TEAD1: variants seen among roughly 807,000 people sequenced by gnomAD.
TEAD1 encodes the protein transcriptional enhancer factor TEF-1.
A neutral mutation model predicts 54.9 loss-of-function variants in TEAD1; 9 were observed. That is an observed-to-expected ratio of 0.16 (90% CI 0.10 to 0.29). The LOEUF (loss-of-function observed/expected upper bound fraction) is 0.29. TEAD1 is among the 10% of genes least tolerant of loss of function. The pLI, the probability that TEAD1 is intolerant of heterozygous loss-of-function variation, is 1.00. For missense variants in TEAD1, 387 were observed against 535.9 expected (o/e 0.72, Z 2.74); for synonymous variants, 200 against 187.8 (o/e 1.07, Z -0.53).
chr11:12,771,495 A>G (rs1945310598), intron 3 of TEAD1, among the ~76,000 whole-genome samples: 1 of 152,170 alleles, frequency 6.6e-6, no homozygotes, highest in Non-Finnish European at 1.5e-5. Flanking sequence ...TGTGAAAAAG[A>G]AGGAGTTTGA....
At chr11:12,887,097 G>GTTTTTTTTTTTTTTTTTTTTTTT (rs150663285) in intron 9 of TEAD1, among the ~76,000 whole-genome samples, 1 of 112,826 alleles carries the variant, frequency 8.9e-6, no homozygotes. Context: ...TTTTTTGTTT[G>GTTTTTTTTTTTTTTTTTTTTTTT]TTTTTTTTTT....
At chr11:12,768,599 T>C (rs1362964993) in intron 3 of TEAD1, among the ~76,000 whole-genome samples, 6 of 152,248 alleles carry the variant, frequency 3.9e-5, no homozygotes, top group African/African-American at 1.4e-4. Flanking sequence ...TTCAGGGCTG[T>C]CTGACTCTAC....
At chr11:12,861,663 A>C (rs1017188322) in intron 3 of TEAD1, among the ~76,000 whole-genome samples, 5 of 152,250 alleles carry the variant, frequency 3.3e-5, no homozygotes, top group African/African-American at 1.2e-4. Flanking sequence ...CACCCACAGC[A>C]TACAAACAGA....
At chr11:12,840,346 A>G (rs1947008119) in intron 3 of TEAD1, among the ~76,000 whole-genome samples, 1 of 151,370 alleles carries the variant, frequency 6.6e-6, no homozygotes, top group South Asian at 2.1e-4. Flanking sequence ...TGTTTTCACT[A>G]TGGAATGGTT....
intron 3 of TEAD1, among the ~76,000 whole-genome samples, chr11:12,802,557 T>G (rs1590166264): frequency 6.6e-6 from 1 of 152,200 alleles, no homozygotes; most frequent in East Asian, 1.9e-4. Flanking sequence ...AGTGCCTGAC[T>G]GGTGGTGGAG....
At chr11:12,688,564 T>A (rs1299878070) in intron 2 of TEAD1, among the ~76,000 whole-genome samples, 2 of 152,198 alleles carry the variant, frequency 1.3e-5, no homozygotes, top group African/African-American at 4.8e-5. Context: ...GTTTTGGTGT[T>A]GTCCTAACTG....
intron 2 of TEAD1, among the ~76,000 whole-genome samples, chr11:12,724,089 T>C (rs1944265859): frequency 1.3e-5 from 2 of 152,170 alleles, no homozygotes; most frequent in Non-Finnish European, 1.5e-5. Flanking sequence ...ATGATTCTTA[T>C]TCCCCAGGCT....
intron 3 of TEAD1, among the ~76,000 whole-genome samples, chr11:12,859,882 A>G (rs531918794): frequency 1.3e-5 from 2 of 152,316 alleles, no homozygotes; most frequent in East Asian, 3.9e-4. Flanking sequence ...TTAAGTTGGC[A>G]TATATTGATA....
At position 12,887,923 on chromosome 11, in the gene TEAD1, G is replaced by C. The variant is rs1034919680; in HGVS notation, c.699+4798G>C. On this transcript the variant is annotated intron_variant, in intron 9 of 12. Coordinates refer to ENST00000527636, the MANE Select transcript of TEAD1 (RefSeq NM_021961.6). ...ATTCTCTAGATGTTTGTTACAGACAGACATGTACATATGTTTCCCCCTACT... is the reference window on the plus strand; with the variant it reads ...ATTCTCTAGATGTTTGTTACAGACACACATGTACATATGTTTCCCCCTACT... Among the ~76,000 whole-genome samples the C allele has an allele frequency of 3.9e-5, 6 of 152,190 alleles. No individual in the cohort carries two copies. In the South Asian group the frequency reaches 1.2e-3, roughly 32 times the overall value.
intron 6 of TEAD1, 53 bp downstream of exon 6, chr11:12,879,895 T>G: frequency 6.2e-7 from 1 of 1,609,678 alleles, no homozygotes; most frequent in South Asian, 1.1e-5. Context: ...GGGGTTGGCA[T>G]GTGCCAGTGT....
chr11:12,824,547 A>C (rs1946612910), intron 3 of TEAD1, among the ~76,000 whole-genome samples: 1 of 152,214 alleles, frequency 6.6e-6, no homozygotes, highest in Admixed American at 6.5e-5. Context: ...TCCATCCGGG[A>C]ACCAAGTTTT....
chr11:12,800,220 C>CCTCTAGGAGA (rs1455860281), intron 3 of TEAD1, among the ~76,000 whole-genome samples: 5 of 152,122 alleles, frequency 3.3e-5, no homozygotes, highest in African/African-American at 1.2e-4. Flanking sequence ...GAGCTAGTCT[C>CCTCTAGGAGA]CTCTAGGAAA....
intron 3 of TEAD1, among the ~76,000 whole-genome samples, chr11:12,854,170 C>T (rs770249938): frequency 2.0e-5 from 3 of 152,264 alleles, no homozygotes; most frequent in African/African-American, 2.4e-5. Flanking sequence ...AGAACTTCCT[C>T]GTTGGATATG....
intron 2 of TEAD1, among the ~76,000 whole-genome samples, chr11:12,736,976 C>G (rs1227802672): frequency 6.6e-6 from 1 of 152,082 alleles, no homozygotes; most frequent in Non-Finnish European, 1.5e-5. Context: ...TAAATATAGT[C>G]AATAATACTT....
intron 2 of TEAD1, among the ~76,000 whole-genome samples, chr11:12,700,303 CAT>C (rs1943670964): frequency 6.6e-6 from 1 of 151,130 alleles, no homozygotes; most frequent in African/African-American, 2.4e-5. Flanking sequence ...CTTTTTCTTC[CAT>C]AACTAGAGAT....
chr11:12,927,717 T>C (rs1486806639), intron 11 of TEAD1, among the ~76,000 whole-genome samples: 3 of 152,116 alleles, frequency 2.0e-5, no homozygotes, highest in Non-Finnish European at 4.4e-5. Flanking sequence ...ATTTTATCAT[T>C]TTCATTATAC....
chr11:12,934,549 A>C (rs1949067116), intron 12 of TEAD1, among the ~76,000 whole-genome samples: 1 of 151,830 alleles, frequency 6.6e-6, no homozygotes. Context: ...AATAAAAAAT[A>C]AATAAATAAA....
At chr11:12,688,164 T>A (rs774778166) in intron 2 of TEAD1, among the ~76,000 whole-genome samples, 3 of 152,244 alleles carry the variant, frequency 2.0e-5, no homozygotes, top group Non-Finnish European at 4.4e-5. Context: ...GGTGAATTTC[T>A]CTCTTCCCAC....
chr11:12,836,767 A>G (rs972501709), intron 3 of TEAD1, among the ~76,000 whole-genome samples: 1 of 152,148 alleles, frequency 6.6e-6, no homozygotes, highest in African/African-American at 2.4e-5. Context: ...TCCACCAACT[A>G]GTTTATCTGC....
Sources: gnomAD v4.1 joint callset for allele counts (sites outside exome capture counted in the v4.1 genomes callset) on GRCh38, gnomAD v4.1.1 for gene constraint, MANE v1.5 for transcripts, NCBI Gene and HGNC (gene_info 2026-07-23, HGNC 2026-07-21) for gene names.